Variants in MANEAL observed in about 807,000 individuals in gnomAD.
The protein encoded by MANEAL is glycoprotein endo-alpha-1,2-mannosidase-like protein.
In MANEAL, 28 loss-of-function variants were observed where a neutral mutation model predicts 35.9. The observed-to-expected ratio is 0.78, with a 90% confidence interval of 0.58 to 1.07. The LOEUF (loss-of-function observed/expected upper bound fraction) is 1.07. Among genes scored for constraint, MANEAL ranks in the 50% least tolerant of loss-of-function variants. The pLI is 0.00. For synonymous variants in MANEAL, 286 were observed against 272.2 expected, an observed-to-expected ratio of 1.05 and a Z score of -0.50; for missense variants, 576 against 629.6, an observed-to-expected ratio of 0.91 and a Z score of 0.91.
In MANEAL at chr1:37,799,665, C is replaced by T; in HGVS notation, c.836C>T (p.Ala279Val). 6.2e-7 allele frequency: 1 copy of T among 1,614,214 alleles called. No individual in the cohort carries two copies. Among genetic ancestry groups the T allele is most frequent in the South Asian group, 1.1e-5 (1 of 91,084 alleles). Residue 279 changes from alanine to valine, a missense_variant, in exon 4 of 4, where the codon GCC becomes GTC. Ala to Val is a moderately conservative substitution (Grantham distance 64). Around this residue, in one of 3 missense-constraint regions of MANEAL, gnomAD observed 449 missense variants for 516.1 expected, o/e 0.87. Coordinates refer to ENST00000373045, the MANE Select transcript of MANEAL (RefSeq NM_001113482.2). The surrounding 1 kb of genome is among the most constrained non-coding windows in gnomAD (Gnocchi z 4.1). The part of the protein sequence containing the change: ...IYDSYLTSPE[A>V]WAHLLTPNGP... ...GACTCATACCTGACGTCCCCTGAGG[C>T]CTGGGCCCACCTCCTGACACCAAAC...
chr1:37,800,004 T>G lies in MANEAL; in HGVS notation c.1175T>G (p.Leu392Arg), dbSNP rs779590698. The G allele has an allele frequency of 6.2e-7, 1 of 1,614,184 alleles. No individual in the cohort carries two copies. The highest frequency in any genetic ancestry group is 8.5e-7 in the Non-Finnish European group (1 of 1,180,040). ...KYYETALQAA[L>R]TVRPEIVSIT... ...TATGAGACGGCCCTGCAGGCGGCCC[T>G]GACAGTGAGGCCCGAGATCGTTTCC... The change falls in exon 4 of 4, where the codon CTG (leucine) becomes CGG (arginine). Residue 392 changes from leucine to arginine, a missense_variant. Coordinates refer to ENST00000373045, the MANE Select transcript of MANEAL (RefSeq NM_001113482.2).
At position 37,794,153 on chromosome 1, in the gene MANEAL, C is replaced by A. The variant is rs1001059145; in HGVS notation, c.-30C>A. 1.7e-6 allele frequency: 2 copies of A among 1,144,892 alleles called. No individual in the cohort carries two copies. The highest frequency in any genetic ancestry group is 3.2e-5 in the South Asian group (1 of 30,996). 70.9% of individuals were successfully genotyped at this position (1,144,892 alleles called of 1,614,324 possible). A position where few individuals can be genotyped will look rare whatever the true frequency, so the allele number is the denominator to read the frequency against. On this transcript the variant is annotated 5_prime_UTR_variant, in exon 1 of 4. Transcript: ENST00000373045. This position sits in a 1 kb window ranked among gnomAD's most constrained non-coding sequence, Gnocchi z 5.7. ...CATGGCGCGGCACGCTGGGAGGTAG[C>A]GCGGCGGCTGCAGGAGCGCACAGTC...
At chr1:37,797,359 C>T (rs1185978193) in intron 3 of MANEAL, among the ~76,000 whole-genome samples, 1 of 151,722 alleles carries the variant, frequency 6.6e-6, no homozygotes, top group Non-Finnish European at 1.5e-5. Flanking sequence ...CGAGATTGCA[C>T]CGCTGCACTC....
chr1:37,794,439 C>G lies in MANEAL; in HGVS notation c.257C>G (p.Pro86Arg). ...RTADPGGSPG[P>R]APAEAEPAPV... ...GCGGACCCTGGCGGCTCCCCTGGGC[C>G]GGCACCCGCGGAGGCCGAGCCCGCC... The change falls in exon 1 of 4, where the codon CCG becomes CGG. Residue 86 changes from proline to arginine, a missense_variant. Transcript: ENST00000373045. The surrounding 1 kb of genome is among the most constrained non-coding windows in gnomAD (Gnocchi z 5.7). The G allele has an allele frequency of 2.6e-6, 4 of 1,515,768 alleles. No individual in the cohort carries two copies. Among genetic ancestry groups the G allele is most frequent in the Middle Eastern group, 2.2e-4 (1 of 4,490 alleles). 93.9% of individuals were successfully genotyped at this position (1,515,768 alleles called of 1,614,324 possible).
intron 1 of MANEAL, among the ~76,000 whole-genome samples, chr1:37,795,018 C>A (rs1646633319): frequency 6.6e-6 from 1 of 152,156 alleles, no homozygotes; most frequent in African/African-American, 2.4e-5. Flanking sequence ...GCAGAGTCTT[C>A]AAATTTGTTG....
In MANEAL at chr1:37,800,338, C is replaced by A; in HGVS notation, c.*135C>A. The A allele has an allele frequency of 1.8e-6, 2 of 1,094,136 alleles. No homozygotes were observed. The highest frequency in any genetic ancestry group is 2.6e-6 in the Non-Finnish European group (2 of 771,764). 67.8% of individuals were successfully genotyped at this position (1,094,136 alleles called of 1,614,324 possible). Reference sequence around the variant, plus strand: ...CAGCAGATGGGTGTTTCTGGGTGGGCCGTCAGGCATGGGCCTGTGCAACAC... The same window carrying A: ...CAGCAGATGGGTGTTTCTGGGTGGGACGTCAGGCATGGGCCTGTGCAACAC... On this transcript the variant is annotated 3_prime_UTR_variant, in exon 4 of 4. Transcript: ENST00000373045.
Position 37,794,520 on chromosome 1 carries a change from A to C in MANEAL, c.338A>C (p.Tyr113Ser). Residue 113 changes from tyrosine to serine, a missense_variant, in exon 1 of 4, where the codon TAC becomes TCC. Coordinates refer to ENST00000373045, the MANE Select transcript of MANEAL (RefSeq NM_001113482.2). This position sits in a 1 kb window ranked among gnomAD's most constrained non-coding sequence, Gnocchi z 5.7. ...CTGCACGCCTTCTACTACTCGTGGT[A>C]CGGGAGCCCGCGGCGCGAGGGCCAC... is the stretch of plus-strand genomic sequence containing the variant. ...SDLHAFYYSW[Y>S]GSPRREGHYI... The C allele has an allele frequency of 6.2e-7, 1 of 1,611,008 alleles. No individual in the cohort carries two copies. Among genetic ancestry groups the C allele is most frequent in the Non-Finnish European group, 8.5e-7 (1 of 1,179,388 alleles).
chr1:37,794,760 T>C lies in MANEAL; in HGVS notation c.550+28T>C. On this transcript the variant is annotated intron_variant, in intron 1 of 3. Coordinates refer to ENST00000373045, the MANE Select transcript of MANEAL (RefSeq NM_001113482.2). The surrounding 1 kb of genome is among the most constrained non-coding windows in gnomAD (Gnocchi z 5.7). ...GAGCGCCCCCCACCCCGGGCGGCCC[T>C]GCCCCCCAGCCTCACCCTTCCTCCT... 1 of 1,457,940 alleles carries C rather than the reference T, an allele frequency of 6.9e-7. No homozygotes were observed. Among genetic ancestry groups the C allele is most frequent in the Non-Finnish European group, 9.3e-7 (1 of 1,075,374 alleles). 90.3% of individuals were successfully genotyped at this position (1,457,940 alleles called of 1,614,324 possible).
Position 37,794,756 on chromosome 1 carries a change from GCCCTGCCC to G in MANEAL, c.550+28_550+35del. 1 of 1,493,276 alleles carries G rather than the reference GCCCTGCCC, an allele frequency of 6.7e-7. No homozygotes were observed. The allele number at this position is 1,493,276 out of a possible 1,614,324, so 92.5% of individuals were successfully genotyped here. On this transcript the variant is annotated intron_variant, in intron 1 of 3. Coordinates refer to ENST00000373045, the MANE Select transcript of MANEAL (RefSeq NM_001113482.2). This position sits in a 1 kb window ranked among gnomAD's most constrained non-coding sequence, Gnocchi z 5.7. The stretch of plus-strand genomic sequence containing the variant: ...CGGTGAGCGCCCCCCACCCCGGGCG[GCCCTGCCC>G]CCCAGCCTCACCCTTCCTCCTTCCC...
chr1:37,794,241 T>A lies in MANEAL; in HGVS notation c.59T>A (p.Phe20Tyr). The change falls in exon 1 of 4, where the codon TTC becomes TAC. Residue 20 changes from phenylalanine to tyrosine, a missense_variant. By Grantham distance (22) the Phe-to-Tyr change is conservative (BLOSUM62 3). This residue lies in a region of MANEAL where 122 missense variants were observed against 97.2 expected (regional missense o/e 1.26). Coordinates refer to ENST00000373045, the MANE Select transcript of MANEAL (RefSeq NM_001113482.2). The surrounding 1 kb of genome is among the most constrained non-coding windows in gnomAD (Gnocchi z 5.7). ...IALFLVLLFA[F>Y]GTLMGLRTLK... ...CTGTTCCTGGTGCTGCTCTTCGCCT[T>A]CGGCACCCTCATGGGTCTGCGCACG... The A allele has an allele frequency of 1.5e-6, 2 of 1,334,440 alleles. No homozygotes were observed. The highest frequency in any genetic ancestry group is 1.6e-5 in the African/African-American group (1 of 64,382). The allele number at this position is 1,334,440 out of a possible 1,614,324, so 82.7% of individuals were successfully genotyped here.
rs1156977016 is a variant in MANEAL, at chr1:37,799,869, G to T, written c.1040G>T (p.Cys347Phe). ...HQNWKAVKNF[C>F]DANNLMFIPS... ...AACTGGAAAGCTGTGAAGAACTTTT[G>T]TGATGCCAACAACCTCATGTTCATC... The change falls in exon 4 of 4, where the codon TGT becomes TTT. Residue 347 changes from cysteine (C) to phenylalanine (F), a missense_variant. Around this residue, in one of 3 missense-constraint regions of MANEAL, gnomAD observed 449 missense variants for 516.1 expected, o/e 0.87. Coordinates refer to ENST00000373045, the MANE Select transcript of MANEAL (RefSeq NM_001113482.2). This position sits in a 1 kb window ranked among gnomAD's most constrained non-coding sequence, Gnocchi z 4.1. The T allele has an allele frequency of 6.2e-7, 1 of 1,614,106 alleles. No homozygotes were observed. The highest frequency in any genetic ancestry group is 8.5e-7 in the Non-Finnish European group (1 of 1,180,044).
rs1202389146 is a variant in MANEAL at position 37,800,253 on chromosome 1, A to C, written c.*50A>C. The C allele has an allele frequency of 1.3e-6, 2 of 1,586,026 alleles. No homozygotes were observed. Among genetic ancestry groups the C allele is most frequent in the Non-Finnish European group, 1.7e-6 (2 of 1,168,804 alleles). On this transcript the variant is annotated 3_prime_UTR_variant, in exon 4 of 4. Transcript: ENST00000373045. ...GCTGATGTCCTTGCCTTGCTGGAAGATGTCACCATGTGGGGTTCAGCTGAG... is the reference window on the plus strand; with the variant it reads ...GCTGATGTCCTTGCCTTGCTGGAAGCTGTCACCATGTGGGGTTCAGCTGAG...
rs1377328311 is a variant in MANEAL at position 37,794,501 on chromosome 1, G to T, written c.319G>T (p.Ala107Ser). 2 of 1,608,418 alleles carry T rather than the reference G, an allele frequency of 1.2e-6. No individual in the cohort carries two copies. Among genetic ancestry groups the T allele is most frequent in the South Asian group, 1.1e-5 (1 of 90,174 alleles). The change falls in exon 1 of 4, where the codon GCC becomes TCC. Residue 107 changes from alanine (A) to serine (S), a missense_variant. By Grantham distance (99) the Ala-to-Ser change is moderately conservative. This residue lies in a region of MANEAL where 449 missense variants were observed against 516.1 expected (regional missense o/e 0.87). Coordinates refer to ENST00000373045, the MANE Select transcript of MANEAL (RefSeq NM_001113482.2). This position sits in a 1 kb window ranked among gnomAD's most constrained non-coding sequence, Gnocchi z 5.7. The stretch of plus-strand genomic sequence containing the variant: ...CCTGCGCGTCTACTCGGACCTGCAC[G>T]CCTTCTACTACTCGTGGTACGGGAG... ...QSLRVYSDLHAFYYSWYGSPR... is the reference protein window; with the variant it reads ...QSLRVYSDLHSFYYSWYGSPR...
Position 37,794,947 on chromosome 1 carries a change from C to G in MANEAL, c.550+215C>G, listed in dbSNP as rs555220448. Among the ~76,000 whole-genome samples, 1 of 152,212 alleles carries G rather than the reference C, an allele frequency of 6.6e-6. No individual in the cohort carries two copies. Among genetic ancestry groups the G allele is most frequent in the African/African-American group, 2.4e-5 (1 of 41,458 alleles). The stretch of plus-strand genomic sequence containing the variant: ...ACCCCCCAGCTGGGCCCTTCCATCC[C>G]TAACATCCAGGGCCCTTCCCATAGG... On this transcript the variant is annotated intron_variant, in intron 1 of 3. Transcript: ENST00000373045. This position sits in a 1 kb window ranked among gnomAD's most constrained non-coding sequence, Gnocchi z 5.7.
intron 2 of MANEAL, 66 bp from the exon 3 acceptor site, chr1:37,796,678 T>G: frequency 2.3e-5 from 33 of 1,421,284 alleles, no homozygotes; most frequent in Non-Finnish European, 2.6e-5. Flanking sequence ...GGTTAGATCC[T>G]GAGCCTGATA....
chr1:37,795,581 A>G (rs1230464790), intron 1 of MANEAL, 156 bp from the exon 2 acceptor site: 1 of 1,449,298 alleles, frequency 6.9e-7, no homozygotes, highest in Non-Finnish European at 9.1e-7. Flanking sequence ...CCGGGGCGCG[A>G]GGCTCTGGGA....
chr1:37,798,472 G>A (rs1274802128), intron 3 of MANEAL, among the ~76,000 whole-genome samples: 1 of 152,168 alleles, frequency 6.6e-6, no homozygotes. Context: ...GCTCACACCT[G>A]TAATCCCAGC....
chr1:37,794,120 C>A lies in MANEAL; in HGVS notation c.-63C>A, dbSNP rs1646620769. The A allele has an allele frequency of 9.4e-7, 1 of 1,059,470 alleles. No homozygotes were observed. The highest frequency in any genetic ancestry group is 1.1e-6 in the Non-Finnish European group (1 of 872,708). 65.6% of individuals were successfully genotyped at this position (1,059,470 alleles called of 1,614,324 possible). ...TCTGCCTGGGAAGCGCGCGGCCGGG[C>A]GGGCGGCCATGGCGCGGCACGCTGG... On this transcript the variant is annotated 5_prime_UTR_variant, in exon 1 of 4. Transcript: ENST00000373045. This position sits in a 1 kb window ranked among gnomAD's most constrained non-coding sequence, Gnocchi z 5.7.
chr1:37,794,038 C>T lies in MANEAL; in HGVS notation c.-145C>T. ...GCCTGCGTCCTGTGTGCCGAGCCCG[C>T]CCGCACTGCGGGGACAGGCCGGGCG... On this transcript the variant is annotated 5_prime_UTR_variant, in exon 1 of 4. Transcript: ENST00000373045. This position sits in a 1 kb window ranked among gnomAD's most constrained non-coding sequence, Gnocchi z 5.7. 2.8e-6 allele frequency: 1 copy of T among 355,578 alleles called. No homozygotes were observed. Among genetic ancestry groups the T allele is most frequent in the Non-Finnish European group, 4.1e-6 (1 of 246,734 alleles). The allele number at this position is 355,578 out of a possible 1,614,324, so 22.0% of individuals were successfully genotyped here. A position where few individuals can be genotyped will look rare whatever the true frequency, so the allele number is the denominator to read the frequency against.
Sources: allele counts gnomAD v4.1 joint callset (sites outside exome capture counted in the v4.1 genomes callset), GRCh38; gene constraint gnomAD v4.1.1; regional missense constraint gnomAD v4.1.1; non-coding constraint Gnocchi (gnomAD v3.1); transcripts MANE v1.5; gene names NCBI Gene and HGNC (gene_info 2026-07-23, HGNC 2026-07-21).